MYO1E: variants seen among roughly 807,000 people sequenced by gnomAD.
MYO1E encodes the protein unconventional myosin-Ie.
Under a neutral mutation model 151.1 loss-of-function variants are expected in MYO1E, and 68 were observed. The observed-to-expected ratio is 0.45, with a 90% confidence interval of 0.37 to 0.55. The LOEUF is 0.55. Among genes scored for constraint, MYO1E ranks in the 20% least tolerant of loss-of-function variants. MYO1E has a pLI of 0.00. For missense variants in MYO1E, 1,363 were observed against 1,389.3 expected (o/e 0.98, Z 0.30); for synonymous variants, 601 against 501.7 (o/e 1.20, Z -2.64).
chr15:59,368,308 A>T (rs2080925829), intron 1 of MYO1E, among the ~76,000 whole-genome samples: 1 of 152,208 alleles, frequency 6.6e-6, no homozygotes, highest in South Asian at 2.1e-4. Context: ...CCACCAAATT[A>T]TAAGACATTT....
intron 4 of MYO1E, among the ~76,000 whole-genome samples, chr15:59,240,531 C>T (rs551112069): frequency 6.6e-6 from 1 of 152,346 alleles, no homozygotes; most frequent in African/African-American, 2.4e-5. Flanking sequence ...TTATTCCTCA[C>T]TTAAAAGTCA....
At chr15:59,148,096 C>A (rs11574500) in intron 26 of MYO1E, among the ~76,000 whole-genome samples, 6,253 of 152,194 alleles carry the variant, frequency 0.041, 225 homozygotes, top group African/African-American at 0.098. Context: ...ACACAAAGCC[C>A]TTATTTAACC....
chr15:59,360,727 T>C (rs1226427003), intron 1 of MYO1E, among the ~76,000 whole-genome samples: 1 of 152,180 alleles, frequency 6.6e-6, no homozygotes, highest in East Asian at 1.9e-4. Context: ...TCCTCATGCC[T>C]TGCTTGGGAA....
intron 17 of MYO1E, among the ~76,000 whole-genome samples, chr15:59,190,887 G>T (rs568401030): frequency 2.3e-3 from 353 of 152,208 alleles, no homozygotes; most frequent in Non-Finnish European, 4.4e-3. Flanking sequence ...GATGTGCCTG[G>T]GCCTGGAGGG....
At chr15:59,315,757 C>T (rs2080584818) in intron 1 of MYO1E, among the ~76,000 whole-genome samples, 1 of 152,052 alleles carries the variant, frequency 6.6e-6, no homozygotes, top group South Asian at 2.1e-4. Flanking sequence ...GAATTCTTTG[C>T]CTTTGGAAAT....
intron 1 of MYO1E, among the ~76,000 whole-genome samples, chr15:59,348,340 T>C (rs576080821): frequency 2.0e-5 from 3 of 152,328 alleles, no homozygotes; most frequent in Admixed American, 6.5e-5. Context: ...CTAAGTTACA[T>C]GGTGTGTTGC....
At chr15:59,270,542 TAAA>T (rs777284445) in intron 2 of MYO1E, among the ~76,000 whole-genome samples, 5 of 104,840 alleles carry the variant, frequency 4.8e-5, no homozygotes, top group Admixed American at 2.0e-4. Flanking sequence ...GACCCTGTCT[TAAA>T]AAAAAAAAAA....
intron 1 of MYO1E, among the ~76,000 whole-genome samples, chr15:59,296,741 T>C (rs1044025140): frequency 6.6e-6 from 1 of 152,122 alleles, no homozygotes; most frequent in Non-Finnish European, 1.5e-5. Flanking sequence ...TGTTTTGTGT[T>C]TGAGTGCAGG....
chr15:59,220,096 G>A (rs559917179), intron 9 of MYO1E, among the ~76,000 whole-genome samples: 4 of 152,200 alleles, frequency 2.6e-5, no homozygotes, highest in Admixed American at 6.5e-5. Flanking sequence ...TCACAGCAAC[G>A]TAAAGGTTTG....
At chr15:59,198,009 A>G (rs2079778313) in intron 16 of MYO1E, among the ~76,000 whole-genome samples, 1 of 152,112 alleles carries the variant, frequency 6.6e-6, no homozygotes, top group South Asian at 2.1e-4. Flanking sequence ...CTGGAAGCAC[A>G]TGCCACCACA....
chr15:59,370,290 A>G (rs538592285), intron 1 of MYO1E, among the ~76,000 whole-genome samples: 4 of 152,360 alleles, frequency 2.6e-5, no homozygotes, highest in South Asian at 2.1e-4. Context: ...CATAAACATT[A>G]AATATTGTAA....
At chr15:59,306,154 A>ATT (rs1442149807) in intron 1 of MYO1E, among the ~76,000 whole-genome samples, 1 of 152,228 alleles carries the variant, frequency 6.6e-6, no homozygotes, top group Non-Finnish European at 1.5e-5. Flanking sequence ...GTTTACACAA[A>ATT]TCATTTGCAA....
chr15:59,272,899 G>A (rs1596394937), intron 1 of MYO1E, among the ~76,000 whole-genome samples: 3 of 152,266 alleles, frequency 2.0e-5, no homozygotes, highest in South Asian at 4.1e-4. Context: ...TTCTAGTCTT[G>A]TTTTGCAAAC....
chr15:59,348,757 G>C (rs750129497), intron 1 of MYO1E: 7 of 151,816 alleles, frequency 4.6e-5, no homozygotes, highest in Non-Finnish European at 7.3e-5. Flanking sequence ...TCAGCCTCTC[G>C]AGCAGCTGGG....
chr15:59,307,672 G>A (rs1205600065), intron 1 of MYO1E, among the ~76,000 whole-genome samples: 5 of 151,884 alleles, frequency 3.3e-5, no homozygotes, highest in African/African-American at 9.7e-5. Context: ...GTGCAACGGC[G>A]CGATCTTGGC....
intron 1 of MYO1E, among the ~76,000 whole-genome samples, chr15:59,345,476 T>TA (rs1567020795): frequency 6.6e-6 from 1 of 152,198 alleles, no homozygotes; most frequent in African/African-American, 2.4e-5. Context: ...CTCAGCTAAT[T>TA]AAAAAAATGT....
intron 1 of MYO1E, among the ~76,000 whole-genome samples, chr15:59,357,133 T>C (rs1377610302): frequency 1.3e-5 from 2 of 152,060 alleles, no homozygotes; most frequent in Non-Finnish European, 2.9e-5. Context: ...CTTGAACTCC[T>C]GACCTCAGGT....
chr15:59,147,108 T>G (rs1208134332), intron 26 of MYO1E, among the ~76,000 whole-genome samples: 3 of 152,094 alleles, frequency 2.0e-5, no homozygotes, highest in African/African-American at 7.2e-5. Context: ...CCGAGACATT[T>G]GGATGTCAGC....
At chr15:59,249,288 G>A (rs1306863566) in intron 4 of MYO1E, among the ~76,000 whole-genome samples, 1 of 152,090 alleles carries the variant, frequency 6.6e-6, no homozygotes, top group East Asian at 1.9e-4. Flanking sequence ...AGCTGGGTGT[G>A]GTGGCAGGTG....
Sources: gnomAD v4.1 joint callset for allele counts (sites outside exome capture counted in the v4.1 genomes callset) on GRCh38, gnomAD v4.1.1 for gene constraint, MANE v1.5 for transcripts, NCBI Gene and HGNC (gene_info 2026-07-23, HGNC 2026-07-21) for gene names.